LCORL: variants seen among roughly 807,000 people sequenced by gnomAD.
The protein encoded by LCORL is ligand-dependent nuclear receptor corepressor-like protein.
Under a neutral mutation model 141.8 loss-of-function variants are expected in LCORL, and 41 were observed. The ratio of observed to expected loss-of-function variants is 0.29; its 90% CI spans 0.23 to 0.38. The LOEUF is 0.38. Ranked by LOEUF, LCORL falls within the 10% of genes least tolerant of loss-of-function variation. The pLI, the probability that LCORL is intolerant of heterozygous loss-of-function variation, is 1.00. For missense variants in LCORL, 1,759 were observed against 2,035.0 expected, an observed-to-expected ratio of 0.86 and a Z score of 2.61; for synonymous variants, 618 against 694.1, an observed-to-expected ratio of 0.89 and a Z score of 1.72.
At chr4:18,005,896 T>C (rs1722724191) in intron 1 of LCORL, among the ~76,000 whole-genome samples, 1 of 152,206 alleles carries the variant, frequency 6.6e-6, no homozygotes, top group Non-Finnish European at 1.5e-5. Context: ...TGACATGCCC[T>C]GGAGACAATT....
chr4:17,897,507 A>G (rs1361421630), intron 5 of LCORL, among the ~76,000 whole-genome samples: 2 of 151,800 alleles, frequency 1.3e-5, no homozygotes, highest in African/African-American at 2.4e-5. Context: ...CTGAAACACA[A>G]TTTGTATAGA....
chr4:17,925,085 G>C (rs765146190), intron 4 of LCORL, among the ~76,000 whole-genome samples: 29 of 152,172 alleles, frequency 1.9e-4, no homozygotes, highest in African/African-American at 6.8e-4. Flanking sequence ...TCCAGAGGGA[G>C]GAATGCTGCC....
chr4:17,921,584 G>A (rs1043643398), intron 4 of LCORL, among the ~76,000 whole-genome samples: 1 of 152,158 alleles, frequency 6.6e-6, no homozygotes, highest in Non-Finnish European at 1.5e-5. Flanking sequence ...GTAATCAAGT[G>A]CATTTTCAGT....
chr4:17,841,575 A>T (rs778262993), exon 8 of LCORL: 2 of 152,006 alleles, frequency 1.3e-5, no homozygotes, highest in Non-Finnish European at 2.9e-5. Flanking sequence ...AGACTGTCAC[A>T]TTGAACAGTT....
chr4:18,012,130 C>T (rs1047476854), intron 1 of LCORL, among the ~76,000 whole-genome samples: 1 of 152,246 alleles, frequency 6.6e-6, no homozygotes, highest in African/African-American at 2.4e-5. Context: ...CTTTTCTCTA[C>T]TACTTATTCA....
At position 17,884,243 on chromosome 4, in the gene LCORL, C is replaced by T. The variant is rs1326311633; in HGVS notation, c.776+1825G>A. On this transcript the variant is annotated intron_variant, in intron 6 of 7. Coordinates refer to ENST00000635767, the Ensembl canonical transcript of LCORL. This position sits in a 1 kb window ranked among gnomAD's most constrained non-coding sequence, Gnocchi z 4.4. ...ATACATAACATCCAACAGACCAGAA[C>T]CATCAGGTTGTGATTTTGAGACAGA... 6.4e-7 allele frequency: 1 copy of T among 1,550,762 alleles called. No homozygotes were observed. The highest frequency in any genetic ancestry group is 2.4e-5 in the East Asian group (1 of 40,884).
At chr4:17,994,129 C>T (rs903389101) in intron 1 of LCORL, among the ~76,000 whole-genome samples, 2 of 152,060 alleles carry the variant, frequency 1.3e-5, no homozygotes, top group African/African-American at 4.8e-5. Flanking sequence ...GATCAGTATG[C>T]AGGTGGAAGA....
chr4:18,005,187 G>C (rs966209652), intron 1 of LCORL, among the ~76,000 whole-genome samples: 1 of 152,144 alleles, frequency 6.6e-6, no homozygotes, highest in African/African-American at 2.4e-5. Flanking sequence ...TCAAAGTGCT[G>C]GGGTTACAGG....
intron 7 of LCORL, among the ~76,000 whole-genome samples, chr4:17,856,569 G>A (rs1223269179): frequency 6.6e-6 from 1 of 152,148 alleles, no homozygotes; most frequent in African/African-American, 2.4e-5. Flanking sequence ...AGCCCAAGGA[G>A]ACTAAAGCAC....
chr4:17,889,533 G>GT (rs778466879), intron 5 of LCORL, among the ~76,000 whole-genome samples: 4 of 151,936 alleles, frequency 2.6e-5, no homozygotes, highest in Non-Finnish European at 5.9e-5. Flanking sequence ...ATCAATTTTA[G>GT]TTATCTATGG....
rs189841102 is a variant in LCORL at position 17,928,491 on chromosome 4, A to G, written c.431-19146T>C. Among the ~76,000 whole-genome samples, 317 of 152,366 alleles carry G rather than the reference A, an allele frequency of 2.1e-3. 1 individual carries two copies. Among genetic ancestry groups the G allele is most frequent in the African/African-American group, 7.5e-3 (310 of 41,586 alleles). ...TAACAGAATACAGAACAAAAGCTAC[A>G]TAATCTCCATACATGTAGAGAAAGT... is the stretch of plus-strand genomic sequence containing the variant. On this transcript the variant is annotated intron_variant, in intron 4 of 7. Transcript: ENST00000635767.
intron 1 of LCORL, among the ~76,000 whole-genome samples, chr4:17,986,238 G>A (rs1289556847): frequency 6.6e-6 from 1 of 152,096 alleles, no homozygotes; most frequent in Non-Finnish European, 1.5e-5. Context: ...ACATGTCATA[G>A]GGATGATCTT....
chr4:17,933,662 G>A (rs1280838788), intron 4 of LCORL, among the ~76,000 whole-genome samples: 2 of 151,732 alleles, frequency 1.3e-5, no homozygotes, highest in East Asian at 3.9e-4. Flanking sequence ...CTATTCTTCT[G>A]TTTTTCTGCT....
Position 18,021,789 on chromosome 4 carries a change from C to T in LCORL, c.-38G>A. ...TCACGCGCCCTCATTTACATACGAGCAGCGCAGGCACGAGGCAGGGGCGCG... is the reference window on the plus strand; with the variant it reads ...TCACGCGCCCTCATTTACATACGAGTAGCGCAGGCACGAGGCAGGGGCGCG... On this transcript the variant is annotated 5_prime_UTR_variant, in exon 1 of 8. Transcript: ENST00000635767. This position sits in a 1 kb window ranked among gnomAD's most constrained non-coding sequence, Gnocchi z 5.5. 2 of 1,446,352 alleles carry T rather than the reference C, an allele frequency of 1.4e-6. No individual in the cohort carries two copies. Among genetic ancestry groups the T allele is most frequent in the Non-Finnish European group, 1.8e-6 (2 of 1,107,486 alleles). 89.6% of individuals were successfully genotyped at this position (1,446,352 alleles called of 1,614,324 possible). A position where few individuals can be genotyped will look rare whatever the true frequency, so the allele number is the denominator to read the frequency against.
At chr4:17,999,453 CAA>C (rs1311925734) in intron 1 of LCORL, among the ~76,000 whole-genome samples, 35 of 105,340 alleles carry the variant, frequency 3.3e-4, no homozygotes, top group Admixed American at 3.0e-4. Flanking sequence ...CTCCGTCTCA[CAA>C]AAAAAAAAAA....
intron 1 of LCORL, among the ~76,000 whole-genome samples, chr4:17,991,527 A>C (rs571823077): frequency 6.6e-6 from 1 of 152,354 alleles, no homozygotes; most frequent in African/African-American, 2.4e-5. Context: ...TGAAATCAGA[A>C]GTATCTTGGG....
chr4:17,902,251 T>G (rs571446051), intron 5 of LCORL, among the ~76,000 whole-genome samples: 40 of 152,260 alleles, frequency 2.6e-4, no homozygotes, highest in African/African-American at 9.1e-4. Flanking sequence ...TAAAGGATTT[T>G]CAGCAGGAGA....
chr4:18,020,729 T>G (rs917763640), intron 1 of LCORL: 1 of 150,710 alleles, frequency 6.6e-6, no homozygotes, highest in Non-Finnish European at 1.5e-5. Context: ...GGATGGGAGG[T>G]GGGGAGGGCG....
At chr4:17,981,183 A>G (rs1459996419) in intron 1 of LCORL, among the ~76,000 whole-genome samples, 1 of 152,210 alleles carries the variant, frequency 6.6e-6, no homozygotes, top group African/African-American at 2.4e-5. Context: ...TAAACGGCTT[A>G]TCCTGTCCAA....
Sources: gnomAD v4.1 joint callset for allele counts (sites outside exome capture counted in the v4.1 genomes callset) on GRCh38, gnomAD v4.1.1 for gene constraint, Gnocchi (gnomAD v3.1) non-coding constraint, MANE v1.5 for transcripts, NCBI Gene and HGNC (gene_info 2026-07-23, HGNC 2026-07-21) for gene names.